ANK1: variants seen among roughly 807,000 people sequenced by gnomAD.
ANK1 encodes ankyrin-1.
ANK1 carries 51 observed loss-of-function variants against 210.4 expected under a neutral mutation model. The observed-to-expected ratio is 0.24, with a 90% CI of 0.19 to 0.31. The LOEUF (loss-of-function observed/expected upper bound fraction) is 0.31, where lower values mean the gene tolerates loss of function less well. Ranked by LOEUF, ANK1 falls within the 10% of genes least tolerant of loss-of-function variation. ANK1 has a pLI of 1.00. For synonymous variants in ANK1, 967 were observed against 1,025.9 expected, an observed-to-expected ratio of 0.94 and a Z score of 1.10; for missense variants, 2,051 against 2,504.4, an observed-to-expected ratio of 0.82 and a Z score of 3.86.
At position 41,672,473 on chromosome 8, in the gene ANK1, C is replaced by G. The variant is rs772253626; in HGVS notation, c.4977G>C (p.Ala1659=). Residue 1659 remains alanine (A), a synonymous_variant, in exon 38 of 43, where the codon GCG becomes GCC. Transcript: ENST00000289734. ...KLPGSKRQDD[A]TGAGQDSENE... is the part of the protein sequence containing the mutation. ...TCTCTGAGTCCTGCCCTGCACCTGT[C>G]GCGTCATCCTGCCTCTTAGAACCTG... is the stretch of plus-strand genomic sequence containing the variant. The G allele has an allele frequency of 1.2e-6, 2 of 1,614,246 alleles. No homozygotes were observed. Among genetic ancestry groups the G allele is most frequent in the Non-Finnish European group, 1.7e-6 (2 of 1,180,036 alleles).
At chr8:41,711,463 C>T (rs1826101358) in intron 16 of ANK1, among the ~76,000 whole-genome samples, 1 of 152,212 alleles carries the variant, frequency 6.6e-6, no homozygotes, top group African/African-American at 2.4e-5. Flanking sequence ...ACCAAAGGGA[C>T]TCTTTGTGAC....
intron 41 of ANK1, 45 bp downstream of exon 41, chr8:41,661,831 G>A (rs764663196): frequency 1.3e-5 from 21 of 1,613,970 alleles, no homozygotes; most frequent in Admixed American, 5.0e-5. Context: ...AATCAATATC[G>A]ACCTCCAGCT....
At chr8:41,816,587 A>T (rs886862885) in intron 1 of ANK1, among the ~76,000 whole-genome samples, 1 of 151,916 alleles carries the variant, frequency 6.6e-6, no homozygotes, top group African/African-American at 2.4e-5. Context: ...GCACCACCCC[A>T]CCCAGCTAAT....
intron 1 of ANK1, among the ~76,000 whole-genome samples, chr8:41,856,172 G>A (rs183501772): frequency 1.2e-3 from 186 of 152,252 alleles, no homozygotes; most frequent in African/African-American, 4.3e-3. Context: ...TCTCTTCCAG[G>A]GAAAATGCAC....
chr8:41,708,731 C>T (rs777530608), intron 17 of ANK1, 47 bp downstream of exon 17: 26 of 1,601,566 alleles, frequency 1.6e-5, no homozygotes, highest in Non-Finnish European at 1.7e-5. Flanking sequence ...AGACACCACA[C>T]GTTGTTATCC....
rs1453426684 is a variant in ANK1, at chr8:41,688,727, TTAA to T, written c.4105-141_4105-139del. 3.9e-6 allele frequency: 3 copies of T among 777,208 alleles called. No individual in the cohort carries two copies. The African/African-American group carries it at 5.2e-5, about 13-fold the overall frequency. 48.1% of individuals were successfully genotyped at this position (777,208 alleles called of 1,614,324 possible). A position where few individuals can be genotyped will look rare whatever the true frequency, so the allele number is the denominator to read the frequency against. ...ACAATCAGTCCGTTTCTTCAGGGACTTAACACAAAGAGTAACACATGGGAGGAG... is the reference window on the plus strand; with the variant it reads ...ACAATCAGTCCGTTTCTTCAGGGACTCACAAAGAGTAACACATGGGAGGAG... On this transcript the variant is annotated intron_variant, in intron 33 of 42. Coordinates refer to ENST00000289734, the MANE Select transcript of ANK1 (RefSeq NM_000037.4).
chr8:41,762,166 G>C (rs546804794), intron 1 of ANK1, among the ~76,000 whole-genome samples: 1 of 152,250 alleles, frequency 6.6e-6, no homozygotes, highest in East Asian at 1.9e-4. Context: ...CTTGTCCTCT[G>C]TGACATTCTC....
chr8:41,711,288 G>T (rs1372297688), intron 16 of ANK1, among the ~76,000 whole-genome samples: 1 of 152,068 alleles, frequency 6.6e-6, no homozygotes, highest in African/African-American at 2.4e-5. Context: ...AAAACCCTAA[G>T]CCCCACACAG....
intron 1 of ANK1, among the ~76,000 whole-genome samples, chr8:41,787,245 T>C (rs866496475): frequency 6.6e-6 from 1 of 152,180 alleles, no homozygotes; most frequent in Non-Finnish European, 1.5e-5. Flanking sequence ...TCATGCTTTG[T>C]GGGTGATTAT....
chr8:41,700,095 C>G (rs769081333), intron 22 of ANK1, among the ~76,000 whole-genome samples: 70 of 152,212 alleles, frequency 4.6e-4, no homozygotes, highest in Non-Finnish European at 1.5e-4. Flanking sequence ...AGCTGGAGCC[C>G]CGGCCCTCGA....
chr8:41,865,378 T>G (rs1399344803), intron 1 of ANK1, among the ~76,000 whole-genome samples: 2 of 152,028 alleles, frequency 1.3e-5, no homozygotes, highest in Non-Finnish European at 2.9e-5. Flanking sequence ...TCAATGAACA[T>G]GTGGGTGCCC....
chr8:41,743,791 G>T (rs1835374547), intron 2 of ANK1, among the ~76,000 whole-genome samples: 1 of 151,106 alleles, frequency 6.6e-6, no homozygotes, highest in Non-Finnish European at 1.5e-5. Context: ...AAATATTGGT[G>T]TGATCTCATT....
At chr8:41,701,995 C>T in intron 21 of ANK1, 57 bp downstream of exon 21, 2 of 1,550,768 alleles carry the variant, frequency 1.3e-6, no homozygotes, top group South Asian at 1.1e-5. Flanking sequence ...ACCCCAGGCA[C>T]GCCTGTGCGC....
At chr8:41,844,945 C>T (rs1809733563) in intron 1 of ANK1, among the ~76,000 whole-genome samples, 1 of 152,134 alleles carries the variant, frequency 6.6e-6, no homozygotes, top group Non-Finnish European at 1.5e-5. Flanking sequence ...TGCTGCACAC[C>T]CACTGGTCAG....
intron 1 of ANK1, among the ~76,000 whole-genome samples, chr8:41,885,354 G>T (rs570720517): frequency 6.6e-6 from 1 of 152,208 alleles, no homozygotes; most frequent in South Asian, 2.1e-4. Flanking sequence ...ATGCAGATCT[G>T]TTCAAGAATG....
chr8:41,717,997 GAC>G (rs1471319983), intron 11 of ANK1, 107 bp downstream of exon 11: 7 of 1,068,608 alleles, frequency 6.6e-6, no homozygotes, highest in Admixed American at 2.0e-5. Context: ...CAGACTTGCA[GAC>G]ACACACACCC....
intron 1 of ANK1, among the ~76,000 whole-genome samples, chr8:41,791,423 C>G (rs547964502): frequency 2.0e-5 from 3 of 151,010 alleles, no homozygotes; most frequent in Admixed American, 2.0e-4. Context: ...TTGGCAGGCA[C>G]TAACTTTCTC....
At chr8:41,721,047 T>G (rs1829117860) in intron 9 of ANK1, among the ~76,000 whole-genome samples, 1 of 152,164 alleles carries the variant, frequency 6.6e-6, no homozygotes, top group Non-Finnish European at 1.5e-5. Flanking sequence ...ATGTTAGTGT[T>G]ACAGGCTGAA....
At chr8:41,870,625 C>G (rs547887730) in intron 1 of ANK1, among the ~76,000 whole-genome samples, 36 of 152,192 alleles carry the variant, frequency 2.4e-4, no homozygotes, top group Non-Finnish European at 4.7e-4. Context: ...GTGTGGCCGG[C>G]GTGAGGGAAC....
Sources: allele counts gnomAD v4.1 joint callset (sites outside exome capture counted in the v4.1 genomes callset), GRCh38; gene constraint gnomAD v4.1.1; transcripts MANE v1.5; gene names NCBI Gene and HGNC (gene_info 2026-07-23, HGNC 2026-07-21).